The following TCEANC2 variants were observed in gnomAD, a reference collection of about 807,000 sequenced individuals.
TCEANC2 encodes the protein transcription elongation factor A N-terminal and central domain containing 2.
TCEANC2 carries 20 observed loss-of-function variants against 22.8 expected under a neutral mutation model. The ratio of observed to expected loss-of-function variants is 0.88; its 90% CI spans 0.62 to 1.28. The LOEUF is 1.28. Among genes scored for constraint, TCEANC2 ranks in the 50% most tolerant of loss-of-function variants. The probability of loss-of-function intolerance (pLI) is 0.00; values close to 1 mark genes in which losing one functional copy is unlikely to be tolerated. For missense variants in TCEANC2, 251 were observed against 249.7 expected (o/e 1.01, Z -0.03); for synonymous variants, 84 against 95.5 (o/e 0.88, Z 0.70).
intron 3 of TCEANC2, among the ~76,000 whole-genome samples, chr1:54,078,837 A>G (rs929665097): frequency 6.6e-6 from 1 of 152,190 alleles, no homozygotes. Context: ...AAAGAGACTA[A>G]GGAAGTGTGG....
At chr1:54,093,834 A>C (rs1423546869) in intron 4 of TCEANC2, among the ~76,000 whole-genome samples, 1 of 143,052 alleles carries the variant, frequency 7.0e-6, no homozygotes, top group Admixed American at 6.9e-5. Context: ...GACTCCCCTC[A>C]AAAAAAAAAA....
chr1:54,061,695 G>A (rs1569993834), intron 2 of TCEANC2, among the ~76,000 whole-genome samples: 1 of 152,114 alleles, frequency 6.6e-6, no homozygotes, highest in East Asian at 1.9e-4. Context: ...GCAAAGTTGG[G>A]ATTTGAACTA....
At chr1:54,076,635 G>A (rs1658148350) in intron 3 of TCEANC2, among the ~76,000 whole-genome samples, 2 of 152,168 alleles carry the variant, frequency 1.3e-5, no homozygotes, top group African/African-American at 4.8e-5. Flanking sequence ...GTAGCTATAG[G>A]ATGACATGAT....
At chr1:54,058,796 A>G (rs1047463348) in intron 2 of TCEANC2, among the ~76,000 whole-genome samples, 1 of 152,158 alleles carries the variant, frequency 6.6e-6, no homozygotes, top group Admixed American at 6.5e-5. Context: ...AGCTAAGACT[A>G]CAGGCACACG....
chr1:54,080,792 C>G (rs988936684), intron 3 of TCEANC2, among the ~76,000 whole-genome samples: 1 of 152,228 alleles, frequency 6.6e-6, no homozygotes, highest in Non-Finnish European at 1.5e-5. Context: ...CAGAAATCCC[C>G]TAACCTTAAA....
intron 3 of TCEANC2, among the ~76,000 whole-genome samples, chr1:54,086,447 T>C (rs1475328025): frequency 6.6e-6 from 1 of 152,082 alleles, no homozygotes; most frequent in Non-Finnish European, 1.5e-5. Context: ...CTTAAATGAG[T>C]CTTAAAGGCC....
intron 3 of TCEANC2, among the ~76,000 whole-genome samples, chr1:54,077,564 A>G (rs1380536104): frequency 6.6e-6 from 1 of 152,148 alleles, no homozygotes; most frequent in Non-Finnish European, 1.5e-5. Context: ...TTCTGTATCT[A>G]TTTTTAAACT....
At chr1:54,082,606 G>A (rs2100375740) in intron 3 of TCEANC2, among the ~76,000 whole-genome samples, 1 of 152,226 alleles carries the variant, frequency 6.6e-6, no homozygotes, top group African/African-American at 2.4e-5. Flanking sequence ...CTAAGGCACA[G>A]AAGTAGGAGC....
At chr1:54,094,464 A>G (rs1470590769) in intron 4 of TCEANC2, among the ~76,000 whole-genome samples, 1 of 152,174 alleles carries the variant, frequency 6.6e-6, no homozygotes, top group Non-Finnish European at 1.5e-5. Flanking sequence ...GCCAGATCCT[A>G]CTCATGCTCC....
intron 4 of TCEANC2, among the ~76,000 whole-genome samples, chr1:54,091,143 C>T (rs1658439278): frequency 7.2e-6 from 1 of 138,194 alleles, no homozygotes; most frequent in Non-Finnish European, 1.6e-5. Context: ...TCACTGTCGT[C>T]CTTAGCCAAA....
chr1:54,060,666 G>A (rs186039995), intron 2 of TCEANC2, among the ~76,000 whole-genome samples: 44 of 152,142 alleles, frequency 2.9e-4, no homozygotes, highest in Non-Finnish European at 4.7e-4. Context: ...GAGGCCTGGC[G>A]TGGTGGCTCA....
Position 54,054,387 on chromosome 1 carries a change from C to G in TCEANC2, c.-36C>G, listed in dbSNP as rs1266103604. On this transcript the variant is annotated 5_prime_UTR_variant, in exon 2 of 5. Transcript: ENST00000234827. ...TGCCCTCTTTCTTGACCAGAACACG[C>G]TGCAAGCACGTCAAGGTAGTCGGAG... 1.2e-6 allele frequency: 2 copies of G among 1,613,068 alleles called. No individual in the cohort carries two copies. Among genetic ancestry groups the G allele is most frequent in the Non-Finnish European group, 1.7e-6 (2 of 1,179,560 alleles).
At chr1:54,072,885 T>G (rs1267406583) in intron 3 of TCEANC2, among the ~76,000 whole-genome samples, 2 of 152,242 alleles carry the variant, frequency 1.3e-5, no homozygotes, top group African/African-American at 4.8e-5. Context: ...TATTTATTGT[T>G]TCTGCTGACT....
intron 4 of TCEANC2, chr1:54,089,911 A>T (rs947585235): frequency 1.3e-6 from 1 of 745,524 alleles, no homozygotes; most frequent in Non-Finnish European, 2.4e-6. Context: ...AGCATTCAGC[A>T]AACAATGGCA....
At chr1:54,059,545 G>A (rs571070707) in intron 2 of TCEANC2, among the ~76,000 whole-genome samples, 4 of 152,194 alleles carry the variant, frequency 2.6e-5, no homozygotes, top group Non-Finnish European at 4.4e-5. Flanking sequence ...TCAAATAAAT[G>A]AATGTTGAAA....
chr1:54,069,864 A>C (rs1658025687), intron 3 of TCEANC2, among the ~76,000 whole-genome samples: 1 of 152,236 alleles, frequency 6.6e-6, no homozygotes, highest in Non-Finnish European at 1.5e-5. Context: ...ATTTTAGTAC[A>C]GTACACAACT....
chr1:54,064,477 T>C (rs1309162382), intron 2 of TCEANC2, among the ~76,000 whole-genome samples: 1 of 152,164 alleles, frequency 6.6e-6, no homozygotes, highest in African/African-American at 2.4e-5. Flanking sequence ...TCCCGTTGGT[T>C]ACTTGGCTTA....
chr1:54,092,560 G>A (rs181471259), intron 4 of TCEANC2, among the ~76,000 whole-genome samples: 39 of 152,314 alleles, frequency 2.6e-4, no homozygotes, highest in African/African-American at 9.4e-4. Flanking sequence ...ACAAATATTG[G>A]TTGAACATTT....
At chr1:54,111,966 C>G (rs1447237287) in exon 5 of TCEANC2, 2 of 152,188 alleles carry the variant, frequency 1.3e-5, no homozygotes, top group Non-Finnish European at 2.9e-5. Context: ...TATTGCTACC[C>G]TTAATCTCTT....
Sources: gnomAD v4.1 joint callset for allele counts (sites outside exome capture counted in the v4.1 genomes callset) on GRCh38, gnomAD v4.1.1 for gene constraint, MANE v1.5 for transcripts, NCBI Gene and HGNC (gene_info 2026-07-23, HGNC 2026-07-21) for gene names.